The following RGS6 variants were observed in gnomAD, a reference collection of about 807,000 sequenced individuals.
RGS6 encodes the protein regulator of G-protein signaling 6.
RGS6 carries 30 observed loss-of-function variants against 78.5 expected under a neutral mutation model. The observed-to-expected ratio is 0.38, with a 90% CI of 0.29 to 0.52. The LOEUF is 0.52. Ranked by LOEUF, RGS6 falls within the 20% of genes least tolerant of loss-of-function variation. The pLI is 0.85. For synonymous variants in RGS6, 206 were observed against 206.0 expected, an observed-to-expected ratio of 1.00 and a Z score of 0.00; for missense variants, 495 against 609.7, an observed-to-expected ratio of 0.81 and a Z score of 1.98.
At position 72,309,753 on chromosome 14, in the gene RGS6, A is replaced by G. The variant is rs564474264; in HGVS notation, c.85-42342A>G. 2.0e-5 allele frequency among the ~76,000 whole-genome samples: 3 copies of G among 152,384 alleles called. No homozygotes were observed. The East Asian group carries it at 5.8e-4, about 29-fold the overall frequency. On this transcript the variant is annotated intron_variant, in intron 2 of 17. Transcript: ENST00000553525. Reference sequence around the variant, plus strand: ...CTCAGGAAAAAATTCAGTGGAGATGATGGCAACAGACTGGTCCCTCAAATC... The same window carrying G: ...CTCAGGAAAAAATTCAGTGGAGATGGTGGCAACAGACTGGTCCCTCAAATC...
At chr14:72,614,911 C>A in the RGS6 span, among the ~76,000 whole-genome samples, 1 of 150,568 alleles carries the variant, frequency 6.6e-6, no homozygotes, top group African/African-American at 2.4e-5. Flanking sequence ...TCCCAAATGC[C>A]CTCCCACCCT....
chr14:72,201,434 G>A (rs183529647), intron 2 of RGS6, among the ~76,000 whole-genome samples: 2 of 152,162 alleles, frequency 1.3e-5, no homozygotes, highest in East Asian at 1.9e-4. Context: ...TGGAGAAACG[G>A]GGGAATTCTC....
At chr14:72,194,889 C>T (rs776319185) in intron 2 of RGS6, among the ~76,000 whole-genome samples, 7 of 152,016 alleles carry the variant, frequency 4.6e-5, no homozygotes, top group African/African-American at 7.2e-5. Context: ...GCTAATACTA[C>T]TATTTAATGA....
At chr14:71,970,137 G>C (rs951008074) in intron 2 of RGS6, among the ~76,000 whole-genome samples, 9 of 152,150 alleles carry the variant, frequency 5.9e-5, no homozygotes, top group African/African-American at 2.2e-4. Flanking sequence ...TCATTTTGTA[G>C]TATTAATTAT....
At chr14:72,206,573 C>T (rs116312811) in intron 2 of RGS6, among the ~76,000 whole-genome samples, 4 of 152,048 alleles carry the variant, frequency 2.6e-5, no homozygotes, top group Non-Finnish European at 5.9e-5. Context: ...AGTTCCACAT[C>T]GCTGGGGAGG....
chr14:71,924,944 T>C, the RGS6 span, among the ~76,000 whole-genome samples: 1 of 152,214 alleles, frequency 6.6e-6, no homozygotes, highest in Non-Finnish European at 1.5e-5. Flanking sequence ...TACCCAGTAG[T>C]GGGATTGCTG....
In RGS6 at chr14:72,311,517, T is replaced by G. The variant is rs183194558; in HGVS notation, c.85-40578T>G. 2.3e-4 allele frequency among the ~76,000 whole-genome samples: 35 copies of G among 152,284 alleles called. 1 individual carries two copies. The East Asian group carries it at 6.7e-3, about 29-fold the overall frequency. On this transcript the variant is annotated intron_variant, in intron 2 of 17. Coordinates refer to ENST00000553525, the MANE Select transcript of RGS6 (RefSeq NM_001204424.2). ...AAAAAAAATAATAGGGAAGAAAACA[T>G]TATTGTAGCTTTTCCATTTTACTCA...
At chr14:72,337,571 G>C (rs941497220) in intron 2 of RGS6, among the ~76,000 whole-genome samples, 1 of 152,064 alleles carries the variant, frequency 6.6e-6, no homozygotes, top group Non-Finnish European at 1.5e-5. Context: ...TGACCTGGCC[G>C]GTTCGATGAG....
chr14:72,161,153 A>T (rs529824538), intron 2 of RGS6, among the ~76,000 whole-genome samples: 1 of 152,320 alleles, frequency 6.6e-6, no homozygotes, highest in African/African-American at 2.4e-5. Context: ...AGAAAACCAA[A>T]CACCGCATGT....
At chr14:72,133,928 T>C (rs1474740722) in intron 2 of RGS6, among the ~76,000 whole-genome samples, 1 of 152,198 alleles carries the variant, frequency 6.6e-6, no homozygotes, top group Non-Finnish European at 1.5e-5. Flanking sequence ...CTAGACTTCA[T>C]TGACATGGTT....
At chr14:71,890,379 A>AGAGAGAGAGAGT in the RGS6 span, among the ~76,000 whole-genome samples, 1 of 151,738 alleles carries the variant, frequency 6.6e-6, no homozygotes, top group Admixed American at 6.6e-5. Context: ...AGAGAGAGAG[A>AGAGAGAGAGAGT]GAGAGAGAGA....
At chr14:71,883,503 G>T in the RGS6 span, among the ~76,000 whole-genome samples, 2 of 152,198 alleles carry the variant, frequency 1.3e-5, no homozygotes, top group Non-Finnish European at 2.9e-5. Flanking sequence ...CCCGGCCTTT[G>T]TCAGAGGCAT....
At chr14:72,550,699 A>G (rs1352098547) in intron 17 of RGS6, 7 of 1,419,372 alleles carry the variant, frequency 4.9e-6, no homozygotes, top group African/African-American at 2.9e-5. Flanking sequence ...AGTCATCACA[A>G]TCCGGTGGTT....
intron 2 of RGS6, among the ~76,000 whole-genome samples, chr14:72,029,469 G>A (rs1286727439): frequency 6.6e-6 from 1 of 152,186 alleles, no homozygotes; most frequent in African/African-American, 2.4e-5. Context: ...TGCTATGAAA[G>A]TTCCCTCCGT....
chr14:72,190,084 T>C (rs1389415667), intron 2 of RGS6, among the ~76,000 whole-genome samples: 1 of 152,194 alleles, frequency 6.6e-6, no homozygotes, highest in Non-Finnish European at 1.5e-5. Context: ...AGCCAACCTG[T>C]GTACCCCTTT....
intron 3 of RGS6, among the ~76,000 whole-genome samples, chr14:72,406,805 C>T (rs1199379163): frequency 1.3e-5 from 2 of 152,132 alleles, no homozygotes; most frequent in African/African-American, 4.8e-5. Flanking sequence ...CAGTAGGCAC[C>T]TTTGGACTCG....
chr14:72,402,658 G>T lies in RGS6; in HGVS notation c.184+50464G>T, dbSNP rs182894680. Among the ~76,000 whole-genome samples, 144 of 152,172 alleles carry T rather than the reference G, an allele frequency of 9.5e-4. 2 individuals are homozygous for T. Among genetic ancestry groups the T allele is most frequent in the African/African-American group, 3.2e-3 (135 of 41,544 alleles). ...CCACTTATACTGTGTTGGTAGGAAC[G>T]TAAGTTAGTACAGCCACTATGGAGA... is the stretch of plus-strand genomic sequence containing the variant. On this transcript the variant is annotated intron_variant, in intron 3 of 17. Transcript: ENST00000553525.
At chr14:71,959,455 ACAGT>A (rs1271141531) in intron 1 of RGS6, among the ~76,000 whole-genome samples, 1 of 152,226 alleles carries the variant, frequency 6.6e-6, no homozygotes, top group African/African-American at 2.4e-5. Context: ...AAACTATATT[ACAGT>A]CAGAGTTTGA....
the RGS6 span, among the ~76,000 whole-genome samples, chr14:71,888,431 A>AAG: frequency 4.1e-4 from 59 of 143,612 alleles, 1 homozygote; most frequent in African/African-American, 1.1e-3. Context: ...AAAAAAAAAA[A>AAG]AAGAAGAAGA....
Sources: gnomAD v4.1 joint callset for allele counts (sites outside exome capture counted in the v4.1 genomes callset) on GRCh38, gnomAD v4.1.1 for gene constraint, MANE v1.5 for transcripts, NCBI Gene and HGNC (gene_info 2026-07-23, HGNC 2026-07-21) for gene names.